The following SOX6 variants were observed in gnomAD, a reference collection of about 807,000 sequenced individuals.
SOX6 encodes SRY-box transcription factor 6.
Under a neutral mutation model 97.8 loss-of-function variants are expected in SOX6, and 11 were observed. The ratio of observed to expected loss-of-function variants is 0.11; its 90% CI spans 0.07 to 0.19. The LOEUF (loss-of-function observed/expected upper bound fraction) is 0.19. Among genes scored for constraint, SOX6 ranks in the 10% least tolerant of loss-of-function variants. SOX6 has a pLI of 1.00. For synonymous variants in SOX6, 360 were observed against 371.4 expected (o/e 0.97, Z 0.35); for missense variants, 810 against 1,039.5 (o/e 0.78, Z 3.04).
chr11:16,634,690 T>G (rs1435311804), intron 3 of SOX6, among the ~76,000 whole-genome samples: 2 of 152,240 alleles, frequency 1.3e-5, no homozygotes, highest in Non-Finnish European at 2.9e-5. Flanking sequence ...ACTTTTCAAA[T>G]TATTTTTAGT....
chr11:16,525,401 A>T (rs1378153090), intron 4 of SOX6, among the ~76,000 whole-genome samples: 1 of 151,738 alleles, frequency 6.6e-6, no homozygotes, highest in African/African-American at 2.4e-5. Flanking sequence ...CTATTTAATA[A>T]ATGGTGCTGG....
At position 16,428,294 on chromosome 11, in the gene SOX6, G is replaced by A. The variant is rs528395371; in HGVS notation, c.-5+48021C>T. Among the ~76,000 whole-genome samples, 33 of 152,182 alleles carry A rather than the reference G, an allele frequency of 2.2e-4. No individual in the cohort carries two copies. In the South Asian group the frequency reaches 6.4e-3, roughly 30 times the overall value. Reference sequence around the variant, plus strand: ...TGTAGGTTGCCTGTTCACTCTGATGGTAGTTTCTTTTGCTGTGCAGAAGCT... The same window carrying A: ...TGTAGGTTGCCTGTTCACTCTGATGATAGTTTCTTTTGCTGTGCAGAAGCT... On this transcript the variant is annotated intron_variant, in intron 1 of 15. Transcript: ENST00000396356.
At chr11:16,552,163 C>T (rs2133185493) in intron 4 of SOX6, among the ~76,000 whole-genome samples, 1 of 151,976 alleles carries the variant, frequency 6.6e-6, no homozygotes, top group South Asian at 2.1e-4. Flanking sequence ...CATACACGGC[C>T]CCCAAAAAAA....
chr11:16,642,085 C>T (rs1293580541), intron 3 of SOX6, among the ~76,000 whole-genome samples: 1 of 152,120 alleles, frequency 6.6e-6, no homozygotes, highest in African/African-American at 2.4e-5. Flanking sequence ...TTCAGGAGCT[C>T]TTTTAGGGCA....
At chr11:16,720,206 G>T (rs1429778472) in intron 2 of SOX6, among the ~76,000 whole-genome samples, 1 of 150,870 alleles carries the variant, frequency 6.6e-6, no homozygotes. Context: ...TATACCCAAA[G>T]GACTATAAAT....
intron 4 of SOX6, among the ~76,000 whole-genome samples, chr11:16,199,406 G>A (rs1851873608): frequency 6.6e-6 from 1 of 152,130 alleles, no homozygotes; most frequent in Non-Finnish European, 1.5e-5. Flanking sequence ...AAATGATGCT[G>A]AGGAAGGTTA....
chr11:16,489,017 C>A (rs758706706), intron 4 of SOX6, among the ~76,000 whole-genome samples: 6 of 151,296 alleles, frequency 4.0e-5, no homozygotes, highest in Non-Finnish European at 8.9e-5. Flanking sequence ...TGATGTAAAG[C>A]CAAAAAGGGG....
chr11:16,595,944 C>T (rs1848208848), intron 4 of SOX6, among the ~76,000 whole-genome samples: 1 of 152,146 alleles, frequency 6.6e-6, no homozygotes, highest in Non-Finnish European at 1.5e-5. Context: ...CTTCCAAAAA[C>T]CTTAAATAAC....
At chr11:16,228,480 A>G (rs1852749224) in intron 4 of SOX6, among the ~76,000 whole-genome samples, 2 of 152,106 alleles carry the variant, frequency 1.3e-5, no homozygotes. Flanking sequence ...ATTTAAGAAT[A>G]TTATGAATGG....
chr11:16,306,611 C>CTTTTTTTTTTT (rs750981587), intron 3 of SOX6, among the ~76,000 whole-genome samples: 2 of 120,800 alleles, frequency 1.7e-5, no homozygotes, highest in Admixed American at 9.1e-5. Flanking sequence ...CCTCAAATTT[C>CTTTTTTTTTTT]TTTTTTTTTT....
intron 6 of SOX6, among the ~76,000 whole-genome samples, chr11:16,143,586 C>T (rs12576026): frequency 0.11 from 16,380 of 151,982 alleles, 1,824 homozygotes; most frequent in East Asian, 0.37. Context: ...GACCCATCAG[C>T]GTGCTGTATT....
chr11:16,364,586 A>G (rs2134382383), intron 1 of SOX6, among the ~76,000 whole-genome samples: 1 of 152,298 alleles, frequency 6.6e-6, no homozygotes, highest in South Asian at 2.1e-4. Context: ...TCTGTAAAAT[A>G]TGGATAATAA....
intron 1 of SOX6, among the ~76,000 whole-genome samples, chr11:16,373,972 T>C (rs1318205827): frequency 6.6e-6 from 1 of 151,866 alleles, no homozygotes; most frequent in Non-Finnish European, 1.5e-5. Flanking sequence ...TCTTTATTAA[T>C]ACAGAAATGT....
chr11:15,982,539 G>A (rs963736532), intron 15 of SOX6, among the ~76,000 whole-genome samples: 1 of 151,968 alleles, frequency 6.6e-6, no homozygotes, highest in East Asian at 1.9e-4. Flanking sequence ...CTTTTATAAA[G>A]TGGTATAGTA....
intron 3 of SOX6, among the ~76,000 whole-genome samples, chr11:16,684,841 C>T (rs557570732): frequency 3.3e-5 from 5 of 152,264 alleles, no homozygotes; most frequent in Non-Finnish European, 7.4e-5. Flanking sequence ...ACTTGTGTCA[C>T]AATTCTGCAG....
rs1853235220 is a variant in SOX6, at chr11:15,969,240, A to G, written c.*3569T>C. ...AGCACCGCAAAAACAAAGTTGCTTA[A>G]CATTCTTGAATCTAAACTGACATGA... On this transcript the variant is annotated 3_prime_UTR_variant, in exon 16 of 16. Coordinates refer to ENST00000683767, the MANE Select transcript of SOX6 (RefSeq NM_001367873.1). 6.6e-6 allele frequency: 1 copy of G among 152,148 alleles called. No homozygotes were observed. Among genetic ancestry groups the G allele is most frequent in the Admixed American group, 6.5e-5 (1 of 15,276 alleles). The allele number at this position is 152,148 out of a possible 1,614,324, so 9.4% of individuals were successfully genotyped here. A position where few individuals can be genotyped will look rare whatever the true frequency, so the allele number is the denominator to read the frequency against.
intron 6 of SOX6, among the ~76,000 whole-genome samples, chr11:16,130,834 T>C (rs1849721943): frequency 6.6e-6 from 1 of 151,998 alleles, no homozygotes; most frequent in African/African-American, 2.4e-5. Flanking sequence ...ATTTGGTCAA[T>C]TGATTTTCAT....
intron 3 of SOX6, among the ~76,000 whole-genome samples, chr11:16,692,080 TGTGTGTGTGCGC>T (rs1307763426): frequency 6.3e-5 from 8 of 127,774 alleles, no homozygotes; most frequent in African/African-American, 2.4e-4. Context: ...TGTGTGTGTG[TGTGTGTGTGCGC>T]GCGCGCGCTT....
chr11:16,374,313 A>G (rs1857585536), intron 1 of SOX6, among the ~76,000 whole-genome samples: 1 of 152,064 alleles, frequency 6.6e-6, no homozygotes, highest in African/African-American at 2.4e-5. Context: ...TTTTTAGCTC[A>G]TTAGAATCTC....
Sources: allele counts gnomAD v4.1 joint callset (sites outside exome capture counted in the v4.1 genomes callset), GRCh38; gene constraint gnomAD v4.1.1; transcripts MANE v1.5; gene names NCBI Gene and HGNC (gene_info 2026-07-23, HGNC 2026-07-21).